Variants in ETV1 observed in about 807,000 individuals in gnomAD.
The protein encoded by ETV1 is ETS translocation variant 1.
A neutral mutation model predicts 62.3 loss-of-function variants in ETV1; 27 were observed. The ratio of observed to expected loss-of-function variants is 0.43; its 90% CI spans 0.32 to 0.60. ETV1 has a LOEUF of 0.60. ETV1 is among the 20% of genes least tolerant of loss of function. ETV1 has a pLI of 0.06. For synonymous variants in ETV1, 222 were observed against 199.6 expected (o/e 1.11, Z -0.94); for missense variants, 605 against 605.8 (o/e 1.00, Z 0.01).
upstream of ETV1, chr7:13,990,626 G>A (rs1356261184): frequency 6.6e-6 from 1 of 152,404 alleles, no homozygotes; most frequent in Non-Finnish European, 1.5e-5. Context: ...GCGGTGAGAT[G>A]GCTCGGGTTT....
chr7:13,939,166 C>A lies in ETV1; in HGVS notation c.316G>T (p.Glu106Ter). ...CSEISSACSQ[E>*]QPFKFSYGEK... ...CCATAGCTGAATTTAAAGGGCTGTT[C>A]TTGACTGCAGGCAGAGCTGATTTCT... The change falls in exon 7 of 14, where the codon GAA (glutamate) becomes TAA (stop). Residue 106 changes from glutamate (E) to a stop codon, truncating the protein, a stop_gained. Coordinates refer to ENST00000430479, the MANE Select transcript of ETV1 (RefSeq NM_004956.5). LOFTEE classifies it high-confidence loss of function. The A allele has an allele frequency of 6.2e-7, 1 of 1,613,346 alleles. No individual in the cohort carries two copies. The highest frequency in any genetic ancestry group is 1.1e-5 in the South Asian group (1 of 90,918).
At chr7:13,904,035 T>C (rs1285296692) in intron 12 of ETV1, among the ~76,000 whole-genome samples, 1 of 152,126 alleles carries the variant, frequency 6.6e-6, no homozygotes, top group African/African-American at 2.4e-5. Flanking sequence ...TCACGGACTG[T>C]GCTGACACAG....
intron 6 of ETV1, among the ~76,000 whole-genome samples, chr7:13,950,715 T>TAC (rs1319158076): frequency 2.0e-5 from 3 of 152,110 alleles, no homozygotes; most frequent in Admixed American, 2.0e-4. Flanking sequence ...GTAGTGGGGA[T>TAC]ACCAAGATGT....
chr7:13,924,004 C>T (rs2128440149), intron 9 of ETV1, among the ~76,000 whole-genome samples: 1 of 151,812 alleles, frequency 6.6e-6, no homozygotes, highest in South Asian at 2.1e-4. Context: ...CATTGTACTC[C>T]AGCCGGGGCA....
In ETV1 at chr7:13,891,972, T is replaced by C. The variant is rs1781412857; in HGVS notation, c.*3894A>G. The C allele has an allele frequency of 4.3e-6, 1 of 231,946 alleles. No individual in the cohort carries two copies. Among genetic ancestry groups the C allele is most frequent in the East Asian group, 6.2e-5 (1 of 16,260 alleles). The allele number at this position is 231,946 out of a possible 1,614,324, so 14.4% of individuals were successfully genotyped here. Reference sequence around the variant, plus strand: ...TACAAGCTCTGAAAAGGCTGCATGATAGACAAAGTGGCTCATTTTAGAAAT... The same window carrying C: ...TACAAGCTCTGAAAAGGCTGCATGACAGACAAAGTGGCTCATTTTAGAAAT... On this transcript the variant is annotated 3_prime_UTR_variant, in exon 14 of 14. Transcript: ENST00000430479.
chr7:13,980,415 A>G (rs77920698), intron 5 of ETV1, among the ~76,000 whole-genome samples: 1 of 152,022 alleles, frequency 6.6e-6, no homozygotes, highest in South Asian at 2.1e-4. Flanking sequence ...AGCCATACCA[A>G]CTCCAAAGTT....
chr7:13,973,908 G>T (rs1046232330), intron 6 of ETV1, among the ~76,000 whole-genome samples: 7 of 152,130 alleles, frequency 4.6e-5, no homozygotes, highest in African/African-American at 1.7e-4. Flanking sequence ...TTAAGACTCT[G>T]AAGATGCTTA....
At chr7:13,966,686 T>G (rs1348906008) in intron 6 of ETV1, among the ~76,000 whole-genome samples, 1 of 151,948 alleles carries the variant, frequency 6.6e-6, no homozygotes, top group Non-Finnish European at 1.5e-5. Context: ...AACCTAAAAT[T>G]ACATGAAACC....
chr7:13,969,619 T>G (rs1018090756), intron 6 of ETV1, among the ~76,000 whole-genome samples: 2 of 152,184 alleles, frequency 1.3e-5, no homozygotes, highest in African/African-American at 4.8e-5. Context: ...GCCTGTAATG[T>G]CAAGCTCTCA....
intron 9 of ETV1, among the ~76,000 whole-genome samples, chr7:13,926,799 T>A (rs914432106): frequency 6.6e-6 from 1 of 152,186 alleles, no homozygotes; most frequent in African/African-American, 2.4e-5. Context: ...TTCATTAAGC[T>A]AGCCCTAAAT....
intron 6 of ETV1, among the ~76,000 whole-genome samples, chr7:13,969,897 T>A (rs1780693259): frequency 6.6e-6 from 1 of 152,158 alleles, no homozygotes; most frequent in African/African-American, 2.4e-5. Context: ...GAGTTGTGGG[T>A]TGCAGGAACG....
chr7:13,990,805 C>T (rs1279140818), upstream of ETV1: 1 of 152,176 alleles, frequency 6.6e-6, no homozygotes, highest in Non-Finnish European at 1.5e-5. Context: ...TGTTGAAATT[C>T]ATTTGTGACC....
intron 11 of ETV1, among the ~76,000 whole-genome samples, chr7:13,906,923 G>A (rs931250089): frequency 1.3e-5 from 2 of 151,666 alleles, no homozygotes; most frequent in African/African-American, 4.8e-5. Context: ...AAAAACCATC[G>A]TATCTAATCA....
Position 13,969,231 on chromosome 7 carries a change from T to G in ETV1, c.235+8196A>C, listed in dbSNP as rs11971772. ...AAGAAATCTACAATCAGCAATGACT[T>G]TCTCACAGCTAAAATAGAGAATAAT... On this transcript the variant is annotated intron_variant, in intron 6 of 13. Coordinates refer to ENST00000430479, the MANE Select transcript of ETV1 (RefSeq NM_004956.5). 5.0e-3 allele frequency among the ~76,000 whole-genome samples: 754 copies of G among 152,298 alleles called. 8 individuals are homozygous for G. Among genetic ancestry groups the G allele is most frequent in the African/African-American group, 0.017 (717 of 41,568 alleles).
chr7:13,989,213 T>TC, intron 2 of ETV1, 55 bp downstream of exon 2: 1 of 623,602 alleles, frequency 1.6e-6, no homozygotes, highest in Non-Finnish European at 2.8e-6. Context: ...CATAGCTAAT[T>TC]ACCCTCCGAC....
chr7:13,901,470 G>C (rs1241268796), intron 12 of ETV1, among the ~76,000 whole-genome samples: 1 of 152,196 alleles, frequency 6.6e-6, no homozygotes, highest in Non-Finnish European at 1.5e-5. Flanking sequence ...TTTTCATTCT[G>C]AGATATACTG....
At chr7:13,927,339 C>A (rs1229217561) in intron 9 of ETV1, among the ~76,000 whole-genome samples, 2 of 152,134 alleles carry the variant, frequency 1.3e-5, no homozygotes, top group Admixed American at 6.6e-5. Context: ...GTAGTCCCAA[C>A]TACTCGGGAG....
intron 8 of ETV1, among the ~76,000 whole-genome samples, chr7:13,933,976 A>G (rs1457635154): frequency 6.6e-6 from 1 of 152,210 alleles, no homozygotes; most frequent in Non-Finnish European, 1.5e-5. Flanking sequence ...CAAAAAGCGA[A>G]TTATACAATC....
upstream of ETV1, among the ~76,000 whole-genome samples, chr7:13,990,188 T>C (rs1782925167): frequency 6.6e-6 from 1 of 152,120 alleles, no homozygotes; most frequent in Non-Finnish European, 1.5e-5. Context: ...GCCCAATTTA[T>C]TTTCCCGTTT....
Sources: allele counts gnomAD v4.1 joint callset (sites outside exome capture counted in the v4.1 genomes callset), GRCh38; gene constraint gnomAD v4.1.1; transcripts MANE v1.5; gene names NCBI Gene and HGNC (gene_info 2026-07-23, HGNC 2026-07-21).